The following FAM174B variants were observed in gnomAD, a reference collection of about 807,000 sequenced individuals.
FAM174B encodes membrane protein FAM174B.
A neutral mutation model predicts 10.9 loss-of-function variants in FAM174B; 12 were observed. The ratio of observed to expected loss-of-function variants is 1.10; its 90% confidence interval spans 0.71 to 1.79. The LOEUF (loss-of-function observed/expected upper bound fraction) is 1.79, where lower values mean the gene tolerates loss of function less well. Ranked by LOEUF, FAM174B falls within the 40% of genes most tolerant of loss-of-function variation. FAM174B has a pLI of 0.00. For missense variants in FAM174B, 266 were observed against 233.3 expected (o/e 1.14, Z -0.91); for synonymous variants, 132 against 115.8 (o/e 1.14, Z -0.90).
At chr15:92,626,327 T>C (rs954414193) in intron 2 of FAM174B, among the ~76,000 whole-genome samples, 1 of 152,104 alleles carries the variant, frequency 6.6e-6, no homozygotes, top group South Asian at 2.1e-4. Flanking sequence ...CTCGATCTCC[T>C]GACCTCGTGA....
At chr15:92,641,062 T>TCACACA (rs35507479) in intron 1 of FAM174B, among the ~76,000 whole-genome samples, 7 of 149,904 alleles carry the variant, frequency 4.7e-5, no homozygotes, top group East Asian at 3.9e-4. Context: ...CACAGGCAGT[T>TCACACA]CACACACACA....
intron 1 of FAM174B, among the ~76,000 whole-genome samples, chr15:92,647,533 G>A (rs1207703201): frequency 1.3e-5 from 2 of 152,152 alleles, no homozygotes; most frequent in Admixed American, 1.3e-4. Context: ...CAAGAAAGGA[G>A]GTCAGACACG....
At chr15:92,648,496 A>T (rs1011402555) in intron 1 of FAM174B, among the ~76,000 whole-genome samples, 3 of 152,046 alleles carry the variant, frequency 2.0e-5, no homozygotes, top group Non-Finnish European at 4.4e-5. Context: ...ACAGGGCCAA[A>T]CTCAGCCCAC....
intron 2 of FAM174B, among the ~76,000 whole-genome samples, chr15:92,621,174 A>G (rs1257798524): frequency 6.6e-6 from 1 of 152,250 alleles, no homozygotes; most frequent in African/African-American, 2.4e-5. Context: ...GTGCACACAC[A>G]TACATATACA....
At chr15:92,652,703 G>A (rs902828854) in intron 1 of FAM174B, among the ~76,000 whole-genome samples, 13 of 152,186 alleles carry the variant, frequency 8.5e-5, no homozygotes, top group African/African-American at 2.4e-4. Context: ...GGCAGGTGGC[G>A]AAGCTTCACT....
At chr15:92,644,753 G>C (rs1372549789) in intron 1 of FAM174B, among the ~76,000 whole-genome samples, 1 of 152,240 alleles carries the variant, frequency 6.6e-6, no homozygotes, top group African/African-American at 2.4e-5. Flanking sequence ...GTGACAAGTG[G>C]TGGACAATAC....
chr15:92,638,777 A>G (rs968840256), intron 1 of FAM174B, among the ~76,000 whole-genome samples: 1 of 152,182 alleles, frequency 6.6e-6, no homozygotes, highest in African/African-American at 2.4e-5. Context: ...TCCTGAGGCC[A>G]TTGCAGGACA....
chr15:92,631,415 T>TATA (rs1400747332), intron 1 of FAM174B, among the ~76,000 whole-genome samples: 2 of 40,774 alleles, frequency 4.9e-5, no homozygotes, highest in African/African-American at 2.8e-4. Context: ...TTATATATAA[T>TATA]ATATAATATA....
chr15:92,654,893 G>A (rs1442354195), intron 1 of FAM174B, among the ~76,000 whole-genome samples: 1 of 151,974 alleles, frequency 6.6e-6, no homozygotes, highest in Non-Finnish European at 1.5e-5. Context: ...AAGTTAGACA[G>A]GCCTGGGTTC....
Position 92,655,554 on chromosome 15 carries a change from A to G in FAM174B, c.106T>C (p.Trp36Arg), listed in dbSNP as rs2438194. ...ASRAESVSAP[W>R]PEPERESRPP... is the part of the protein sequence containing the mutation. Reference sequence around the variant, plus strand: ...CGCGACTCGCGCTCGGGTTCGGGCCACGGCGCGGAGACGGACTCGGCTCTG... The same window carrying G: ...CGCGACTCGCGCTCGGGTTCGGGCCGCGGCGCGGAGACGGACTCGGCTCTG... Residue 36 changes from tryptophan to arginine, a missense_variant, in exon 1 of 3, where the codon TGG becomes CGG. Physicochemically the swap from Trp to Arg is moderately radical, Grantham distance 101. Coordinates refer to ENST00000327355, the MANE Select transcript of FAM174B (RefSeq NM_207446.3). 1,391,701 of 1,398,810 alleles carry G rather than the reference A, an allele frequency of 0.99. 692,642 individuals carry two copies. The highest frequency in any genetic ancestry group is 1 in the East Asian group (32,348 of 32,348). 86.6% of individuals were successfully genotyped at this position (1,398,810 alleles called of 1,614,324 possible). A position where few individuals can be genotyped will look rare whatever the true frequency, so the allele number is the denominator to read the frequency against.
At chr15:92,642,174 T>A (rs2050896125) in intron 1 of FAM174B, among the ~76,000 whole-genome samples, 1 of 152,236 alleles carries the variant, frequency 6.6e-6, no homozygotes, top group Non-Finnish European at 1.5e-5. Context: ...CAAATGTTGG[T>A]GAGGATATAA....
chr15:92,641,691 C>T (rs2050893072), intron 1 of FAM174B, among the ~76,000 whole-genome samples: 1 of 151,820 alleles, frequency 6.6e-6, no homozygotes, highest in South Asian at 2.1e-4. Flanking sequence ...GTATGTAAGA[C>T]TTATATGTAA....
chr15:92,632,557 T>A (rs184669268), intron 1 of FAM174B, among the ~76,000 whole-genome samples: 2 of 152,300 alleles, frequency 1.3e-5, no homozygotes, highest in Admixed American at 1.3e-4. Flanking sequence ...TCACCTAGGC[T>A]GGAGTGCAGT....
At chr15:92,650,379 G>A (rs2050958163) in intron 1 of FAM174B, among the ~76,000 whole-genome samples, 1 of 152,106 alleles carries the variant, frequency 6.6e-6, no homozygotes, top group Non-Finnish European at 1.5e-5. Context: ...CGATCCCTCG[G>A]GAAGCACCAA....
intron 1 of FAM174B, among the ~76,000 whole-genome samples, chr15:92,633,216 C>A (rs1264879979): frequency 1.3e-5 from 2 of 152,150 alleles, no homozygotes; most frequent in Non-Finnish European, 2.9e-5. Flanking sequence ...CAAAGACACA[C>A]GCGAGATCTC....
intron 2 of FAM174B, among the ~76,000 whole-genome samples, chr15:92,628,096 A>G (rs2050765540): frequency 6.6e-6 from 1 of 152,108 alleles, no homozygotes; most frequent in Non-Finnish European, 1.5e-5. Flanking sequence ...TACCTAATAC[A>G]ATGTAAATAG....
chr15:92,623,288 A>T (rs2050731842), intron 2 of FAM174B, among the ~76,000 whole-genome samples: 1 of 152,084 alleles, frequency 6.6e-6, no homozygotes, highest in Non-Finnish European at 1.5e-5. Context: ...CCAACTAGAC[A>T]TGTGCTAGGT....
At position 92,655,395 on chromosome 15, in the gene FAM174B, G is replaced by C; in HGVS notation, c.265C>G (p.Pro89Ala). 6.3e-7 allele frequency: 1 copy of C among 1,595,286 alleles called. No individual in the cohort carries two copies. Among genetic ancestry groups the C allele is most frequent in the Middle Eastern group, 1.7e-4 (1 of 6,008 alleles). The change falls in exon 1 of 3, where the codon CCC becomes GCC. Residue 89 changes from proline (P) to alanine (A), a missense_variant. Pro to Ala is a conservative substitution (Grantham distance 27). Coordinates refer to ENST00000327355, the MANE Select transcript of FAM174B (RefSeq NM_207446.3). ...TRISILLRDLPTLKAAVIVAF... is the reference protein window; with the variant it reads ...TRISILLRDLATLKAAVIVAF... ...ACGATCACGGCTGCCTTGAGGGTGGGTAGGTCGCGGAGGAGGATGGAAATG... is the reference window on the plus strand; with the variant it reads ...ACGATCACGGCTGCCTTGAGGGTGGCTAGGTCGCGGAGGAGGATGGAAATG...
At chr15:92,649,359 G>T (rs2050949446) in intron 1 of FAM174B, among the ~76,000 whole-genome samples, 1 of 152,176 alleles carries the variant, frequency 6.6e-6, no homozygotes, top group African/African-American at 2.4e-5. Flanking sequence ...GGCTCACTTG[G>T]GCTAAAGAGT....
Sources: gnomAD v4.1 joint callset for allele counts (sites outside exome capture counted in the v4.1 genomes callset) on GRCh38, gnomAD v4.1.1 for gene constraint, MANE v1.5 for transcripts, NCBI Gene and HGNC (gene_info 2026-07-23, HGNC 2026-07-21) for gene names.